Variants in ATP11C observed in about 807,000 individuals in gnomAD.
The protein encoded by ATP11C is phospholipid-transporting ATPase IG.
Under a neutral mutation model 97.4 loss-of-function variants are expected in ATP11C, and 36 were observed. The ratio of observed to expected loss-of-function variants is 0.37; its 90% CI spans 0.28 to 0.49. ATP11C has a LOEUF of 0.49. Ranked by LOEUF, ATP11C falls within the 20% of genes least tolerant of loss-of-function variation. The probability of loss-of-function intolerance (pLI) is 0.98; values close to 1 mark genes in which losing one functional copy is unlikely to be tolerated. For missense variants in ATP11C, 730 were observed against 824.6 expected, an observed-to-expected ratio of 0.89 and a Z score of 1.40; for synonymous variants, 275 against 290.9, an observed-to-expected ratio of 0.95 and a Z score of 0.56.
At chrX:139,786,716 A>G (rs773081093) in intron 15 of ATP11C, among the ~76,000 whole-genome samples, 2 of 112,692 alleles carry the variant, frequency 1.8e-5, no homozygotes, top group Non-Finnish European at 3.7e-5. Context: ...ACACTGGAGC[A>G]TCAGAGTACT....
intron 1 of ATP11C, among the ~76,000 whole-genome samples, chrX:139,869,619 TAAAAAAAAAAAA>T (rs72160192): frequency 3.7e-5 from 2 of 54,200 alleles, no homozygotes; most frequent in Non-Finnish European, 7.0e-5. Flanking sequence ...CCCTCTCTAC[TAAAAAAAAAAAA>T]AAAAAAAAAA....
chrX:139,788,802 C>T (rs1427078257), intron 13 of ATP11C, among the ~76,000 whole-genome samples: 1 of 112,116 alleles, frequency 8.9e-6, no homozygotes. Context: ...GACAAGCAAG[C>T]TTTTACCCAA....
chrX:139,914,323 T>C (rs954107717), intron 1 of ATP11C, among the ~76,000 whole-genome samples: 2 of 112,415 alleles, frequency 1.8e-5, no homozygotes, highest in Non-Finnish European at 3.8e-5. Context: ...TTACAGACCA[T>C]CTAGCAGCCC....
chrX:139,889,548 A>G (rs2084697565), intron 1 of ATP11C, among the ~76,000 whole-genome samples: 2 of 112,118 alleles, frequency 1.8e-5, no homozygotes, highest in South Asian at 7.5e-4. Context: ...ATACCTAAAA[A>G]GGGCAAATTT....
intron 8 of ATP11C, among the ~76,000 whole-genome samples, chrX:139,799,086 G>C (rs1323065022): frequency 9.0e-6 from 1 of 111,655 alleles, no homozygotes; most frequent in Non-Finnish European, 1.9e-5. Context: ...ATCAATAAAA[G>C]ACAGGGAATG....
At chrX:139,896,546 TACACACAC>T (rs61153084) in intron 1 of ATP11C, among the ~76,000 whole-genome samples, 6,845 of 79,722 alleles carry the variant, frequency 0.086, 314 homozygotes, top group African/African-American at 0.16. Flanking sequence ...GTTAATTTTA[TACACACAC>T]ACACACACAC....
intron 28 of ATP11C, among the ~76,000 whole-genome samples, chrX:139,732,849 T>G (rs998309788): frequency 6.3e-5 from 7 of 111,357 alleles, no homozygotes; most frequent in Non-Finnish European, 1.1e-4. Context: ...AAGACTTATC[T>G]CTAATCATTA....
intron 22 of ATP11C, 76 bp downstream of exon 22, chrX:139,761,883 AGG>A: frequency 1.4e-6 from 1 of 704,835 alleles, no homozygotes. Flanking sequence ...AAAAAAAAAA[AGG>A]AAGAACAAAA....
At chrX:139,885,998 T>C (rs1217166372) in intron 1 of ATP11C, among the ~76,000 whole-genome samples, 1 of 111,376 alleles carries the variant, frequency 9.0e-6, no homozygotes, top group Non-Finnish European at 1.9e-5. Context: ...TTAACACTCC[T>C]ACTCAACATC....
intron 1 of ATP11C, among the ~76,000 whole-genome samples, chrX:139,888,052 T>A (rs1487129192): frequency 3.5e-4 from 38 of 109,544 alleles, no homozygotes; most frequent in Non-Finnish European, 1.5e-4. Context: ...AGCCATAGAC[T>A]GGGAAAAACA....
chrX:139,754,150 A>G (rs917229416), intron 23 of ATP11C, among the ~76,000 whole-genome samples: 5 of 111,867 alleles, frequency 4.5e-5, no homozygotes, highest in Non-Finnish European at 5.6e-5. Flanking sequence ...AGATGATACT[A>G]CAGATACAAC....
At chrX:139,936,777 A>G (rs1050398699), upstream of ATP11C, among the ~76,000 whole-genome samples, 1 of 111,311 alleles carries the variant, frequency 9.0e-6, no homozygotes, top group African/African-American at 3.3e-5. Flanking sequence ...CCACTAGAGC[A>G]TAGGATGTAG....
chrX:139,819,949 G>A (rs1480937455), intron 2 of ATP11C, among the ~76,000 whole-genome samples: 3 of 111,892 alleles, frequency 2.7e-5, no homozygotes, highest in Non-Finnish European at 5.6e-5. Context: ...ACTCTGGGAG[G>A]CCAAGGCAGG....
At chrX:139,837,110 A>G (rs1446033190) in intron 1 of ATP11C, among the ~76,000 whole-genome samples, 1 of 111,565 alleles carries the variant, frequency 9.0e-6, no homozygotes, top group East Asian at 2.8e-4. Context: ...TCACAAAAAC[A>G]CCACTCACAC....
chrX:139,786,493 G>A (rs951083372), intron 15 of ATP11C, among the ~76,000 whole-genome samples: 1 of 111,184 alleles, frequency 9.0e-6, no homozygotes, highest in Non-Finnish European at 1.9e-5. Flanking sequence ...CTCTCCAAAA[G>A]GGTGCATTAC....
chrX:139,798,988 T>TG lies in ATP11C; in HGVS notation c.711-246dup, dbSNP rs1327159814. ...AACACACATAGGCAAAAAAAATACATGGGGGGGGATAAAAGGATTATGAAT... is the reference window on the plus strand; with the variant it reads ...AACACACATAGGCAAAAAAAATACATGGGGGGGGGATAAAAGGATTATGAAT... On this transcript the variant is annotated intron_variant, in intron 8 of 29. Transcript: ENST00000682941. Among the ~76,000 whole-genome samples, 67 of 108,865 alleles carry TG rather than the reference T, an allele frequency of 6.2e-4. No individual in the cohort carries two copies. In the East Asian group the frequency reaches 0.01, roughly 17 times the overall value. The allele number at this position is 108,865 out of a possible 115,157, so 94.5% of individuals were successfully genotyped here.
intron 1 of ATP11C, among the ~76,000 whole-genome samples, chrX:139,914,246 A>G (rs2085121450): frequency 8.9e-6 from 1 of 112,211 alleles, no homozygotes; most frequent in Admixed American, 9.5e-5. Flanking sequence ...TTTCCCAGCT[A>G]TAATGAAGAT....
chrX:139,731,624 C>G (rs2081342012), intron 29 of ATP11C, 27 bp downstream of exon 29: 1 of 993,880 alleles, frequency 1.0e-6, no homozygotes, highest in African/African-American at 1.9e-5. Flanking sequence ...TTTTTTAAAG[C>G]CAGCCCATTT....
chrX:139,916,111 C>G (rs2085152419), intron 1 of ATP11C, among the ~76,000 whole-genome samples: 1 of 109,360 alleles, frequency 9.1e-6, no homozygotes, highest in South Asian at 4.1e-4. Flanking sequence ...CACCTGTAAT[C>G]CCAGCTACTC....
Sources: gnomAD v4.1 joint callset for allele counts (sites outside exome capture counted in the v4.1 genomes callset) on GRCh38, gnomAD v4.1.1 for gene constraint, MANE v1.5 for transcripts, NCBI Gene and HGNC (gene_info 2026-07-23, HGNC 2026-07-21) for gene names.